Variants in TIAM1 observed in about 807,000 individuals in gnomAD.
TIAM1 encodes rho guanine nucleotide exchange factor TIAM1.
A neutral mutation model predicts 163.5 loss-of-function variants in TIAM1; 65 were observed. That is an observed-to-expected ratio of 0.40 (90% CI 0.33 to 0.49). The LOEUF is 0.49. Ranked by LOEUF, TIAM1 falls within the 20% of genes least tolerant of loss-of-function variation. The pLI is 0.77. For missense variants in TIAM1, 1,789 were observed against 2,044.7 expected (o/e 0.87, Z 2.41); for synonymous variants, 833 against 810.1 (o/e 1.03, Z -0.48).
chr21:31,409,567 C>T (rs1047273463), intron 2 of TIAM1, among the ~76,000 whole-genome samples: 2 of 152,192 alleles, frequency 1.3e-5, no homozygotes, highest in African/African-American at 4.8e-5. Context: ...GCCAAGCACA[C>T]AGGACTCCAT....
intron 12 of TIAM1, among the ~76,000 whole-genome samples, chr21:31,199,051 C>G (rs2086040294): frequency 6.6e-6 from 1 of 152,188 alleles, no homozygotes; most frequent in South Asian, 2.1e-4. Context: ...CACATCTTCC[C>G]TTTCTTTTAT....
At chr21:31,153,019 C>A in intron 18 of TIAM1, 47 bp downstream of exon 18, 1 of 1,569,126 alleles carries the variant, frequency 6.4e-7, no homozygotes, top group South Asian at 1.2e-5. Context: ...ACCAACAAGT[C>A]AAACCACGGT....
intron 12 of TIAM1, 92 bp from the exon 13 acceptor site, chr21:31,195,397 G>A: frequency 2.3e-6 from 2 of 874,972 alleles, no homozygotes; most frequent in Non-Finnish European, 1.8e-6. Context: ...TTTCACAATT[G>A]ATACTTACGT....
intron 1 of TIAM1, among the ~76,000 whole-genome samples, chr21:31,470,768 G>C (rs1357269481): frequency 1.3e-5 from 2 of 152,232 alleles, no homozygotes; most frequent in Non-Finnish European, 2.9e-5. Context: ...ATGCTGCCGG[G>C]AAAACCATGT....
upstream of TIAM1, among the ~76,000 whole-genome samples, chr21:31,344,518 C>G (rs2076108976): frequency 6.6e-6 from 1 of 152,106 alleles, no homozygotes; most frequent in Non-Finnish European, 1.5e-5. Flanking sequence ...GAGTGCTTGT[C>G]AAATAATTTT....
At chr21:31,256,625 ACACG>A (rs1569115793) in intron 4 of TIAM1, among the ~76,000 whole-genome samples, 6 of 149,114 alleles carry the variant, frequency 4.0e-5, no homozygotes, top group African/African-American at 1.3e-4. Context: ...ACACACACAC[ACACG>A]TATATTATCT....
intron 2 of TIAM1, among the ~76,000 whole-genome samples, chr21:31,315,964 G>A (rs558692979): frequency 1.2e-4 from 19 of 152,280 alleles, no homozygotes; most frequent in African/African-American, 4.1e-4. Context: ...GAGACAGAGC[G>A]AGACTCGGTC....
chr21:31,190,242 C>A (rs773634578), intron 13 of TIAM1, among the ~76,000 whole-genome samples: 1 of 152,008 alleles, frequency 6.6e-6, no homozygotes, highest in Non-Finnish European at 1.5e-5. Context: ...CCTGTCTCTA[C>A]AAAATTTTTT....
Position 31,245,494 on chromosome 21 carries a change from A to G in TIAM1, c.1578T>C (p.Leu526=), listed in dbSNP as rs2146719499. ...AAGGAAGTGCCCAACAAACCTGAAA[A>G]AGGAAGGCATCACCCAGGGAATTGC... The part of the protein sequence containing the change: ...CLSNSLGDAF[L]FQTTSQTELE... Residue 526 remains leucine, a synonymous_variant, in exon 6 of 28, where the codon CTT becomes CTC. Coordinates refer to ENST00000541036, the MANE Select transcript of TIAM1 (RefSeq NM_001353694.2). The G allele has an allele frequency of 6.7e-7, 1 of 1,503,006 alleles. No homozygotes were observed. Among genetic ancestry groups the G allele is most frequent in the South Asian group, 1.3e-5 (1 of 74,284 alleles). The allele number at this position is 1,503,006 out of a possible 1,614,324, so 93.1% of individuals were successfully genotyped here.
At chr21:31,360,843 A>T (rs2268232) in intron 2 of TIAM1, among the ~76,000 whole-genome samples, 12,748 of 152,238 alleles carry the variant, frequency 0.084, 1,017 homozygotes, top group East Asian at 0.44. Context: ...ACAAAATGTA[A>T]ATTCAAACCA....
intron 14 of TIAM1, among the ~76,000 whole-genome samples, chr21:31,183,695 C>CA (rs899360419): frequency 4.0e-5 from 6 of 150,270 alleles, no homozygotes; most frequent in African/African-American, 1.2e-4. Flanking sequence ...TATCTGAAAT[C>CA]ATTTTTTTTT....
chr21:31,349,251 G>C, upstream of TIAM1, among the ~76,000 whole-genome samples: 1 of 152,286 alleles, frequency 6.6e-6, no homozygotes, highest in African/African-American at 2.4e-5. Flanking sequence ...AGGACTCCTT[G>C]GTAGCCCACA....
intron 2 of TIAM1, among the ~76,000 whole-genome samples, chr21:31,462,349 G>C (rs1165817277): frequency 6.6e-6 from 1 of 152,216 alleles, no homozygotes; most frequent in African/African-American, 2.4e-5. Context: ...GAAAGGAGGA[G>C]TGAAGCAGAG....
chr21:31,398,161 A>AG (rs1439189422), intron 2 of TIAM1, among the ~76,000 whole-genome samples: 2 of 145,772 alleles, frequency 1.4e-5, no homozygotes, highest in Non-Finnish European at 3.0e-5. Context: ...TTCAGGGCAA[A>AG]AAAAAAAAAA....
In TIAM1 at chr21:31,182,463, C is replaced by T. The variant is rs576007084; in HGVS notation, c.2845G>A (p.Asp949Asn). ...AAGGCGAGGGGGCTCTCGCCAAGGT[C>T]GGCAGGGCCGTCCACTCGGTGGGGC... ...SPPHRVDGPA[D>N]LGESPLAFLT... The change falls in exon 15 of 28, where the codon GAC (aspartate) becomes AAC (asparagine). Residue 949 changes from aspartate (D) to asparagine (N), a missense_variant. Transcript: ENST00000541036. The T allele has an allele frequency of 1.2e-6, 2 of 1,606,116 alleles. No individual in the cohort carries two copies. The highest frequency in any genetic ancestry group is 2.7e-5 in the African/African-American group (2 of 74,818).
chr21:31,556,246 T>G (rs1379075421), intron 1 of TIAM1, among the ~76,000 whole-genome samples: 1 of 152,186 alleles, frequency 6.6e-6, no homozygotes, highest in Non-Finnish European at 1.5e-5. Flanking sequence ...ATCATATTTA[T>G]TAATTGACAT....
chr21:31,540,681 C>T (rs185983873), intron 1 of TIAM1, among the ~76,000 whole-genome samples: 74 of 152,344 alleles, frequency 4.9e-4, no homozygotes, highest in African/African-American at 1.7e-3. Flanking sequence ...GAAACAACAT[C>T]TCACAGATGA....
At chr21:31,541,946 C>G (rs750472312) in intron 1 of TIAM1, among the ~76,000 whole-genome samples, 2 of 152,178 alleles carry the variant, frequency 1.3e-5, no homozygotes, top group African/African-American at 2.4e-5. Context: ...GAAAGTCAAG[C>G]AAAGGCCTGA....
chr21:31,347,644 T>C (rs1298179408), upstream of TIAM1, among the ~76,000 whole-genome samples: 1 of 152,202 alleles, frequency 6.6e-6, no homozygotes, highest in Non-Finnish European at 1.5e-5. Flanking sequence ...AGCTGACTTT[T>C]GTTGTTAATT....
Sources: allele counts gnomAD v4.1 joint callset (sites outside exome capture counted in the v4.1 genomes callset), GRCh38; gene constraint gnomAD v4.1.1; transcripts MANE v1.5; gene names NCBI Gene and HGNC (gene_info 2026-07-23, HGNC 2026-07-21).